The following PRDM5 variants were observed in gnomAD, a reference collection of about 807,000 sequenced individuals.
The protein encoded by PRDM5 is PR/SET domain 5, also known as PR domain zinc finger protein 5.
PRDM5 carries 56 observed loss-of-function variants against 81.2 expected under a neutral mutation model. The ratio of observed to expected loss-of-function variants is 0.69; its 90% CI spans 0.56 to 0.86. PRDM5 has a LOEUF of 0.86. Ranked by LOEUF, PRDM5 falls within the 40% of genes least tolerant of loss-of-function variation. The pLI, the probability that PRDM5 is intolerant of heterozygous loss-of-function variation, is 0.00. For missense variants in PRDM5, 697 were observed against 770.1 expected, an observed-to-expected ratio of 0.91 and a Z score of 1.12; for synonymous variants, 267 against 256.4, an observed-to-expected ratio of 1.04 and a Z score of -0.39.
intron 2 of PRDM5, among the ~76,000 whole-genome samples, chr4:120,897,766 T>A (rs1173163549): frequency 6.6e-6 from 1 of 152,182 alleles, no homozygotes; most frequent in Non-Finnish European, 1.5e-5. Context: ...AAATATAAAT[T>A]TGCTCTAAAT....
chr4:120,885,158 T>TAAAAA (rs1444607309), intron 2 of PRDM5, among the ~76,000 whole-genome samples: 1 of 117,044 alleles, frequency 8.5e-6, no homozygotes, highest in African/African-American at 3.3e-5. Flanking sequence ...AAAAAAAAAG[T>TAAAAA]AAAAAAGAAA....
intron 13 of PRDM5, among the ~76,000 whole-genome samples, chr4:120,766,745 A>G (rs1357804306): frequency 6.6e-6 from 1 of 152,174 alleles, no homozygotes; most frequent in East Asian, 1.9e-4. Flanking sequence ...TAGGCAAATC[A>G]TTGCACTTTG....
intron 3 of PRDM5, among the ~76,000 whole-genome samples, chr4:120,846,864 C>T (rs140559885): frequency 1.2e-4 from 19 of 152,226 alleles, no homozygotes; most frequent in South Asian, 2.1e-4. Context: ...GGGCCTGGTA[C>T]GTAGCAGATG....
chr4:120,700,388 A>G (rs1167579284), intron 15 of PRDM5, among the ~76,000 whole-genome samples: 2 of 152,248 alleles, frequency 1.3e-5, no homozygotes, highest in Non-Finnish European at 2.9e-5. Flanking sequence ...CATTCTGGAC[A>G]GAAGTCTTGG....
chr4:120,751,408 G>A (rs541911176), intron 14 of PRDM5, among the ~76,000 whole-genome samples: 126 of 150,004 alleles, frequency 8.4e-4, no homozygotes, highest in African/African-American at 3.0e-3. Context: ...AATTGAATAC[G>A]GCACTCAAGA....
chr4:120,851,137 A>C (rs1578985214), intron 3 of PRDM5, among the ~76,000 whole-genome samples: 1 of 152,170 alleles, frequency 6.6e-6, no homozygotes, highest in Admixed American at 6.6e-5. Context: ...ATTCTACAGA[A>C]ATAATAGGCA....
chr4:120,742,067 G>A (rs534696778), intron 14 of PRDM5, among the ~76,000 whole-genome samples: 10 of 152,312 alleles, frequency 6.6e-5, no homozygotes, highest in Non-Finnish European at 1.2e-4. Flanking sequence ...CTCCCAGTAC[G>A]CAGCTGGAGA....
At chr4:120,797,022 A>G (rs532094136) in intron 10 of PRDM5, among the ~76,000 whole-genome samples, 2 of 152,326 alleles carry the variant, frequency 1.3e-5, no homozygotes, top group African/African-American at 2.4e-5. Flanking sequence ...CCTGAATTCA[A>G]TTCAAGCATG....
At chr4:120,918,548 G>T in intron 1 of PRDM5, among the ~76,000 whole-genome samples, 1 of 144,218 alleles carries the variant, frequency 6.9e-6, no homozygotes, top group Non-Finnish European at 1.5e-5. Context: ...TTCTTTCTTT[G>T]ATTTTTTTTA....
In PRDM5 at chr4:120,922,538, T is replaced by TAG; in HGVS notation, c.69_70dup (p.Tyr24SerfsTer34). On this transcript the variant is annotated frameshift_variant, in exon 1 of 16. Coordinates refer to ENST00000264808, the MANE Select transcript of PRDM5 (RefSeq NM_018699.4). LOFTEE classifies it high-confidence loss of function. ...CACCTTTCGCACTCTGCGGGCCGTG[T>TAG]AGAGCCCCATGCCGTCCTGAACCCG... 6.2e-7 allele frequency: 1 copy of TAG among 1,609,842 alleles called. No homozygotes were observed. The highest frequency in any genetic ancestry group is 8.5e-7 in the Non-Finnish European group (1 of 1,178,548).
intron 7 of PRDM5, 28 bp downstream of exon 7, chr4:120,816,425 C>G (rs780433478): frequency 6.2e-7 from 1 of 1,614,132 alleles, no homozygotes; most frequent in Non-Finnish European, 8.5e-7. Context: ...GAAGCCCCTT[C>G]GGAAACGACC....
chr4:120,808,507 T>C (rs575480946), intron 8 of PRDM5, among the ~76,000 whole-genome samples: 116 of 152,146 alleles, frequency 7.6e-4, no homozygotes, highest in Non-Finnish European at 1.5e-3. Flanking sequence ...ACATAAAGGT[T>C]CTCCAAGTCC....
At chr4:120,763,537 G>C (rs1034515154) in intron 13 of PRDM5, among the ~76,000 whole-genome samples, 3 of 152,102 alleles carry the variant, frequency 2.0e-5, no homozygotes, top group African/African-American at 7.2e-5. Context: ...CACTGGCCAA[G>C]TTTTCAAGGT....
chr4:120,847,930 A>G (rs918643245), intron 3 of PRDM5, among the ~76,000 whole-genome samples: 1 of 152,190 alleles, frequency 6.6e-6, no homozygotes, highest in African/African-American at 2.4e-5. Flanking sequence ...CGAGAGGCAC[A>G]GAAAGTCCCA....
intron 2 of PRDM5, among the ~76,000 whole-genome samples, chr4:120,878,842 C>T (rs1490054638): frequency 6.6e-6 from 1 of 152,160 alleles, no homozygotes; most frequent in Non-Finnish European, 1.5e-5. Flanking sequence ...AGAAATACCA[C>T]TACACATCCA....
chr4:120,712,723 A>G (rs575519105), intron 14 of PRDM5, among the ~76,000 whole-genome samples: 10 of 152,338 alleles, frequency 6.6e-5, no homozygotes, highest in Non-Finnish European at 1.3e-4. Context: ...ATCATTGTTC[A>G]ACATTATCCT....
chr4:120,864,031 A>C (rs1760934526), intron 2 of PRDM5, among the ~76,000 whole-genome samples: 1 of 152,230 alleles, frequency 6.6e-6, no homozygotes, highest in African/African-American at 2.4e-5. Context: ...GGCTAAGACT[A>C]ATCAGGGGCC....
At chr4:120,877,028 C>A (rs1274383274) in intron 2 of PRDM5, among the ~76,000 whole-genome samples, 3 of 152,064 alleles carry the variant, frequency 2.0e-5, no homozygotes, top group Non-Finnish European at 2.9e-5. Context: ...TGAGAAACAG[C>A]ACATATTATA....
chr4:120,847,852 G>C (rs1413168094), intron 3 of PRDM5, among the ~76,000 whole-genome samples: 1 of 152,100 alleles, frequency 6.6e-6, no homozygotes, highest in East Asian at 1.9e-4. Flanking sequence ...GGTGAGACAT[G>C]GATACTGGGA....
Sources: allele counts gnomAD v4.1 joint callset (sites outside exome capture counted in the v4.1 genomes callset), GRCh38; gene constraint gnomAD v4.1.1; transcripts MANE v1.5; gene names NCBI Gene and HGNC (gene_info 2026-07-23, HGNC 2026-07-21).